The following KATNIP variants were observed in gnomAD, a reference collection of about 807,000 sequenced individuals.
KATNIP encodes the protein katanin-interacting protein.
A neutral mutation model predicts 174.0 loss-of-function variants in KATNIP; 126 were observed. The ratio of observed to expected loss-of-function variants is 0.72; its 90% CI spans 0.63 to 0.84. The LOEUF is 0.84. KATNIP is among the 40% of genes least tolerant of loss of function. KATNIP has a pLI of 0.00. For synonymous variants in KATNIP, 810 were observed against 835.7 expected, an observed-to-expected ratio of 0.97 and a Z score of 0.53; for missense variants, 1,958 against 2,109.7, an observed-to-expected ratio of 0.93 and a Z score of 1.41.
Position 27,669,495 on chromosome 16 carries a change from G to A in KATNIP, c.541-8234G>A, listed in dbSNP as rs186342324. ...ATTTTGAAGCAAAGCTATAAAGTAT[G>A]TTTTTTCAGAGAAATTTCTGGATGA... On this transcript the variant is annotated intron_variant, in intron 6 of 27. Coordinates refer to ENST00000261588, the MANE Select transcript of KATNIP (RefSeq NM_015202.5). Among the ~76,000 whole-genome samples the A allele has an allele frequency of 1.7e-3, 257 of 152,334 alleles. 1 individual carries two copies. Among genetic ancestry groups the A allele is most frequent in the Admixed American group, 2.2e-3 (34 of 15,290 alleles).
At chr16:27,666,553 G>A (rs536464669) in intron 6 of KATNIP, among the ~76,000 whole-genome samples, 174 of 152,148 alleles carry the variant, frequency 1.1e-3, no homozygotes, top group Middle Eastern at 3.4e-3. Flanking sequence ...GAGTAACTGG[G>A]ATTACAGGTG....
At chr16:27,746,840 G>A (rs1035385838) in intron 15 of KATNIP, among the ~76,000 whole-genome samples, 7 of 152,302 alleles carry the variant, frequency 4.6e-5, no homozygotes, top group Non-Finnish European at 8.8e-5. Flanking sequence ...AGTGGCGGCC[G>A]TACTCAGGGC....
intron 14 of KATNIP, among the ~76,000 whole-genome samples, chr16:27,736,295 G>A (rs991315246): frequency 1.3e-5 from 2 of 152,182 alleles, no homozygotes; most frequent in Non-Finnish European, 2.9e-5. Flanking sequence ...GAGCCACTGC[G>A]CCTGGCCCAA....
chr16:27,753,467 G>T (rs760740026), intron 17 of KATNIP, among the ~76,000 whole-genome samples: 3 of 152,140 alleles, frequency 2.0e-5, no homozygotes, highest in East Asian at 1.9e-4. Flanking sequence ...TCTCAGTCTC[G>T]TGAGAGACCA....
At chr16:27,586,834 A>C (rs937421637) in intron 2 of KATNIP, among the ~76,000 whole-genome samples, 10 of 151,576 alleles carry the variant, frequency 6.6e-5, no homozygotes, top group Non-Finnish European at 1.0e-4. Context: ...GTCTCAAAAA[A>C]AAAAAAACAA....
At chr16:27,695,014 A>G (rs1240125872) in intron 8 of KATNIP, among the ~76,000 whole-genome samples, 1 of 152,116 alleles carries the variant, frequency 6.6e-6, no homozygotes, top group African/African-American at 2.4e-5. Context: ...TTCTACTTCA[A>G]GCCATCACTC....
intron 21 of KATNIP, among the ~76,000 whole-genome samples, chr16:27,771,106 G>C (rs1485154918): frequency 6.6e-6 from 1 of 152,122 alleles, no homozygotes; most frequent in East Asian, 1.9e-4. Context: ...CCTCTGCCCT[G>C]TCACCCCGTC....
intron 19 of KATNIP, among the ~76,000 whole-genome samples, chr16:27,763,440 C>CT (rs1308159449): frequency 2.0e-5 from 2 of 99,030 alleles, no homozygotes; most frequent in Non-Finnish European, 3.8e-5. Flanking sequence ...GATTGTGTCT[C>CT]TAAAAAAAAA....
chr16:27,633,905 A>T (rs1408537473), intron 5 of KATNIP, among the ~76,000 whole-genome samples: 1 of 152,200 alleles, frequency 6.6e-6, no homozygotes, highest in African/African-American at 2.4e-5. Flanking sequence ...GTCATTGATT[A>T]ACTGGGGAAG....
intron 2 of KATNIP, among the ~76,000 whole-genome samples, chr16:27,592,024 T>A (rs551060100): frequency 1.3e-5 from 2 of 152,262 alleles, no homozygotes; most frequent in South Asian, 4.1e-4. Flanking sequence ...TCCGCCAACA[T>A]AATAAACAGC....
chr16:27,556,730 C>T (rs1015027420), intron 1 of KATNIP, among the ~76,000 whole-genome samples: 1 of 152,114 alleles, frequency 6.6e-6, no homozygotes, highest in Non-Finnish European at 1.5e-5. Flanking sequence ...GTGGTATTTA[C>T]CTGGCTTCTT....
Position 27,754,209 on chromosome 16 carries a change from C to T in KATNIP, c.3589C>T (p.Pro1197Ser), listed in dbSNP as rs767705125. 3 of 1,614,192 alleles carry T rather than the reference C, an allele frequency of 1.9e-6. No individual in the cohort carries two copies. The highest frequency in any genetic ancestry group is 3.3e-5 in the Admixed American group (2 of 60,020). The change falls in exon 18 of 28, where the codon CCC becomes TCC. Residue 1197 changes from proline to serine, a missense_variant. Physicochemically the swap from Pro to Ser is moderately conservative, Grantham distance 74 (BLOSUM62 -1). Transcript: ENST00000261588. ...AGAGCTCCCATCCAGTTCCCCTGTCCCCCAAGTCACCACGCCAGAGCCAGG... is the reference window on the plus strand; with the variant it reads ...AGAGCTCCCATCCAGTTCCCCTGTCTCCCAAGTCACCACGCCAGAGCCAGG... Reference protein sequence around the residue: ...ELELPSSSPVPQVTTPEPGIY... With the variant: ...ELELPSSSPVSQVTTPEPGIY...
chr16:27,707,370 G>C (rs1323151927), intron 12 of KATNIP, among the ~76,000 whole-genome samples: 1 of 152,222 alleles, frequency 6.6e-6, no homozygotes, highest in African/African-American at 2.4e-5. Flanking sequence ...CATTCACGCA[G>C]GCTCTCAGAG....
chr16:27,748,853 G>A (rs539046238), intron 15 of KATNIP, among the ~76,000 whole-genome samples: 1 of 152,210 alleles, frequency 6.6e-6, no homozygotes, highest in East Asian at 1.9e-4. Flanking sequence ...AAGCTACAAA[G>A]AAGAAAATAA....
At chr16:27,747,574 T>A (rs1172179899) in intron 15 of KATNIP, among the ~76,000 whole-genome samples, 2 of 151,912 alleles carry the variant, frequency 1.3e-5, no homozygotes, top group African/African-American at 4.8e-5. Context: ...GTTTAAAGAG[T>A]GCCCCTCCTT....
chr16:27,633,097 C>T (rs769747329), intron 5 of KATNIP, among the ~76,000 whole-genome samples: 5 of 151,972 alleles, frequency 3.3e-5, no homozygotes, highest in South Asian at 2.1e-4. Flanking sequence ...AGCCTCCTGG[C>T]GGTTAAGGAG....
At chr16:27,695,542 A>G (rs917631797) in intron 8 of KATNIP, among the ~76,000 whole-genome samples, 4 of 152,172 alleles carry the variant, frequency 2.6e-5, no homozygotes, top group African/African-American at 7.2e-5. Context: ...TCTGCTTTGC[A>G]TGGTTTTTCA....
intron 17 of KATNIP, among the ~76,000 whole-genome samples, chr16:27,753,379 C>A (rs1238223464): frequency 6.6e-6 from 1 of 152,156 alleles, no homozygotes; most frequent in Non-Finnish European, 1.5e-5. Context: ...TCCATTTGCC[C>A]AGCGTTTTCC....
intron 20 of KATNIP, among the ~76,000 whole-genome samples, chr16:27,768,443 T>C (rs1419614937): frequency 2.0e-5 from 3 of 152,168 alleles, no homozygotes; most frequent in Non-Finnish European, 2.9e-5. Flanking sequence ...AGGGGCTTCC[T>C]GGGCCTCTGC....
Sources: allele counts gnomAD v4.1 joint callset (sites outside exome capture counted in the v4.1 genomes callset), GRCh38; gene constraint gnomAD v4.1.1; transcripts MANE v1.5; gene names NCBI Gene and HGNC (gene_info 2026-07-23, HGNC 2026-07-21).